CCSER1: variants seen among roughly 807,000 people sequenced by gnomAD.
CCSER1 encodes coiled-coil serine rich protein 1.
In CCSER1, 41 loss-of-function variants were observed where a neutral mutation model predicts 82.0. The ratio of observed to expected loss-of-function variants is 0.50; its 90% CI spans 0.39 to 0.65. The LOEUF (loss-of-function observed/expected upper bound fraction) is 0.65, where lower values mean the gene tolerates loss of function less well. Among genes scored for constraint, CCSER1 ranks in the 30% least tolerant of loss-of-function variants. CCSER1 has a pLI of 0.00. For synonymous variants in CCSER1, 414 were observed against 383.9 expected (o/e 1.08, Z -0.92); for missense variants, 1,119 against 1,064.2 (o/e 1.05, Z -0.72).
At chr4:90,526,422 T>TAATTTCTGGGATACATGTGCAGAAC (rs1773767788) in intron 5 of CCSER1, among the ~76,000 whole-genome samples, 4 of 152,186 alleles carry the variant, frequency 2.6e-5, no homozygotes, top group Admixed American at 2.6e-4. Flanking sequence ...TCTTATACTT[T>TAATTTCTGGGATACATGTGCAGAAC]AATTTCTGGG....
At chr4:90,787,585 T>A (rs1754688254) in intron 7 of CCSER1, among the ~76,000 whole-genome samples, 1 of 152,222 alleles carries the variant, frequency 6.6e-6, no homozygotes, top group East Asian at 1.9e-4. Flanking sequence ...TTCTTTTAAT[T>A]AATAAGGCAC....
chr4:91,173,249 C>T (rs1455620328), intron 10 of CCSER1, among the ~76,000 whole-genome samples: 1 of 152,110 alleles, frequency 6.6e-6, no homozygotes, highest in East Asian at 1.9e-4. Flanking sequence ...TGATTTCAGT[C>T]TTGTAGGTCA....
At chr4:90,489,098 T>A (rs1767566083) in intron 5 of CCSER1, among the ~76,000 whole-genome samples, 1 of 152,216 alleles carries the variant, frequency 6.6e-6, no homozygotes, top group Admixed American at 6.5e-5. Context: ...TAGACAGTTT[T>A]CCAAATTCAT....
intron 9 of CCSER1, among the ~76,000 whole-genome samples, chr4:90,963,934 G>A (rs2150381576): frequency 6.6e-6 from 1 of 152,162 alleles, no homozygotes; most frequent in African/African-American, 2.4e-5. Context: ...TCTTGCTTTT[G>A]TTAATAAAGA....
chr4:91,490,854 C>G (rs1011188247), intron 10 of CCSER1, among the ~76,000 whole-genome samples: 1 of 70,208 alleles, frequency 1.4e-5, no homozygotes, highest in Non-Finnish European at 2.6e-5. Context: ...ATGCCTGTAT[C>G]AAAATATCTC....
intron 10 of CCSER1, among the ~76,000 whole-genome samples, chr4:91,169,871 A>T (rs1035584825): frequency 6.6e-6 from 1 of 152,216 alleles, no homozygotes; most frequent in Admixed American, 6.5e-5. Context: ...GATAGAATTC[A>T]ATTGTATTGA....
chr4:90,541,337 G>A (rs1232424268), intron 5 of CCSER1, among the ~76,000 whole-genome samples: 1 of 152,022 alleles, frequency 6.6e-6, no homozygotes, highest in African/African-American at 2.4e-5. Context: ...AATAATAACA[G>A]TGTTGATAAG....
At chr4:91,261,735 CA>C (rs1741148609) in intron 10 of CCSER1, among the ~76,000 whole-genome samples, 1 of 152,090 alleles carries the variant, frequency 6.6e-6, no homozygotes, top group Non-Finnish European at 1.5e-5. Context: ...ATGAAAACAA[CA>C]ACAGTGAACC....
intron 3 of CCSER1, among the ~76,000 whole-genome samples, chr4:90,360,719 A>G (rs1399262728): frequency 6.6e-6 from 1 of 151,700 alleles, no homozygotes; most frequent in East Asian, 1.9e-4. Flanking sequence ...TTGTTCATGG[A>G]TGTATTTCTG....
intron 1 of CCSER1, among the ~76,000 whole-genome samples, chr4:90,211,253 C>T (rs2153414377): frequency 6.6e-6 from 1 of 152,258 alleles, no homozygotes; most frequent in East Asian, 1.9e-4. Context: ...GAACTGCAAG[C>T]CCAGAAATTT....
At chr4:91,244,063 T>G (rs1739575942) in intron 10 of CCSER1, among the ~76,000 whole-genome samples, 1 of 152,184 alleles carries the variant, frequency 6.6e-6, no homozygotes, top group Non-Finnish European at 1.5e-5. Flanking sequence ...CAGACATGGC[T>G]GCATTCACCG....
At chr4:90,519,802 A>G (rs1157060034) in intron 5 of CCSER1, among the ~76,000 whole-genome samples, 1 of 152,090 alleles carries the variant, frequency 6.6e-6, no homozygotes, top group Non-Finnish European at 1.5e-5. Context: ...GATCATTTAC[A>G]TTTCATTAAC....
intron 4 of CCSER1, among the ~76,000 whole-genome samples, chr4:90,435,175 A>AAT (rs1436495077): frequency 1.3e-5 from 2 of 152,188 alleles, no homozygotes; most frequent in Non-Finnish European, 2.9e-5. Flanking sequence ...GAAAATAATA[A>AAT]ATATATATGC....
intron 5 of CCSER1, among the ~76,000 whole-genome samples, chr4:90,621,760 G>A (rs1210640207): frequency 4.6e-5 from 7 of 152,122 alleles, no homozygotes; most frequent in South Asian, 2.1e-4. Flanking sequence ...ATTCCAGCAG[G>A]TAGTTAATTT....
chr4:91,271,123 A>T (rs888759796), intron 10 of CCSER1, among the ~76,000 whole-genome samples: 2 of 152,166 alleles, frequency 1.3e-5, no homozygotes, highest in Non-Finnish European at 2.9e-5. Flanking sequence ...TAGATTTTTT[A>T]AAATCAATAT....
chr4:90,381,050 T>G (rs993434167), intron 3 of CCSER1, among the ~76,000 whole-genome samples: 14 of 152,200 alleles, frequency 9.2e-5, no homozygotes, highest in African/African-American at 3.1e-4. Flanking sequence ...TGTCAAAATC[T>G]TCAATGAATG....
At chr4:90,810,644 TCAACAACAACAACAACAA>T (rs34797230) in intron 7 of CCSER1, among the ~76,000 whole-genome samples, 3 of 128,470 alleles carry the variant, frequency 2.3e-5, no homozygotes, top group Non-Finnish European at 3.3e-5. Flanking sequence ...AGACTCCCTC[TCAACAACAACAACAACAA>T]CAACAACAAC....
chr4:90,462,590 G>A (rs1004825428), intron 4 of CCSER1, among the ~76,000 whole-genome samples: 1 of 150,264 alleles, frequency 6.7e-6, no homozygotes, highest in African/African-American at 2.5e-5. Flanking sequence ...AAACAAATCA[G>A]CCAGGTATGG....
rs538122941 is a variant in CCSER1 at position 90,884,882 on chromosome 4, T to C, written c.2095-38488T>C. Among the ~76,000 whole-genome samples, 15 of 152,246 alleles carry C rather than the reference T, an allele frequency of 9.9e-5. No homozygotes were observed. In the South Asian group the frequency reaches 3.1e-3, roughly 32 times the overall value. On this transcript the variant is annotated intron_variant, in intron 8 of 10. Transcript: ENST00000509176. ...GAAGCAATGGGCAGATAAAGAAGGA[T>C]GATTTTTGAAATATAGGCAATAGAA...
Sources: allele counts gnomAD v4.1 joint callset (sites outside exome capture counted in the v4.1 genomes callset), GRCh38; gene constraint gnomAD v4.1.1; transcripts MANE v1.5; gene names NCBI Gene and HGNC (gene_info 2026-07-23, HGNC 2026-07-21).